The following RBFOX1 variants were observed in gnomAD, a reference collection of about 807,000 sequenced individuals.
RBFOX1 encodes RNA binding fox-1 homolog 1.
In RBFOX1, 8 loss-of-function variants were observed where a neutral mutation model predicts 57.7. The observed-to-expected ratio is 0.14, with a 90% confidence interval of 0.08 to 0.25. The LOEUF (loss-of-function observed/expected upper bound fraction) is 0.25. Ranked by LOEUF, RBFOX1 falls within the 10% of genes least tolerant of loss-of-function variation. The pLI, the probability that RBFOX1 is intolerant of heterozygous loss-of-function variation, is 1.00. For missense variants in RBFOX1, 611 were observed against 548.5 expected (o/e 1.11, Z -1.14); for synonymous variants, 326 against 222.4 (o/e 1.47, Z -4.15).
intron 1 of RBFOX1, among the ~76,000 whole-genome samples, chr16:5,357,575 A>G (rs1020318871): frequency 1.3e-5 from 2 of 152,352 alleles, no homozygotes; most frequent in South Asian, 4.1e-4. Context: ...ATGTAGATTC[A>G]GATTCAGCAG....
chr16:5,356,326 T>C (rs1392757559), intron 1 of RBFOX1, among the ~76,000 whole-genome samples: 1 of 152,236 alleles, frequency 6.6e-6, no homozygotes. Context: ...TGTGAGCCGA[T>C]ACATTTCTGT....
chr16:7,645,545 TAAAG>T (rs1196209477), intron 11 of RBFOX1, among the ~76,000 whole-genome samples: 18 of 152,194 alleles, frequency 1.2e-4, no homozygotes, highest in African/African-American at 4.1e-4. Flanking sequence ...ATATGAATAT[TAAAG>T]AAACAAATGA....
At chr16:7,618,067 C>G (rs930584284) in intron 10 of RBFOX1, among the ~76,000 whole-genome samples, 1 of 151,836 alleles carries the variant, frequency 6.6e-6, no homozygotes, top group African/African-American at 2.4e-5. Context: ...ATTTCTGAGC[C>G]AAGTTGACGT....
intron 5 of RBFOX1, among the ~76,000 whole-genome samples, chr16:7,553,624 A>G (rs1269697930): frequency 6.6e-6 from 1 of 152,204 alleles, no homozygotes; most frequent in Non-Finnish European, 1.5e-5. Flanking sequence ...TGGCCAGTGC[A>G]CTTGAAAGGT....
At chr16:6,909,428 C>G (rs2070971067) in intron 3 of RBFOX1, among the ~76,000 whole-genome samples, 1 of 152,192 alleles carries the variant, frequency 6.6e-6, no homozygotes, top group Admixed American at 6.5e-5. Flanking sequence ...GGTTCTTTTG[C>G]CAGGCAAGGT....
At chr16:5,732,022 G>A (rs2052391872) in intron 3 of RBFOX1, among the ~76,000 whole-genome samples, 1 of 152,170 alleles carries the variant, frequency 6.6e-6, no homozygotes, top group Non-Finnish European at 1.5e-5. Flanking sequence ...TTGCAAGACA[G>A]CCTCATTGCA....
intron 1 of RBFOX1, among the ~76,000 whole-genome samples, chr16:5,398,105 A>C (rs1021475190): frequency 6.6e-6 from 1 of 152,210 alleles, no homozygotes; most frequent in African/African-American, 2.4e-5. Context: ...ACCTAGACGA[A>C]GACCAAGACC....
chr16:7,594,047 A>T (rs532660949), intron 7 of RBFOX1, among the ~76,000 whole-genome samples: 1 of 152,074 alleles, frequency 6.6e-6, no homozygotes, highest in Non-Finnish European at 1.5e-5. Context: ...ACATAGGTAT[A>T]CGTGTGCCAT....
intron 1 of RBFOX1, among the ~76,000 whole-genome samples, chr16:5,316,998 C>G (rs191325088): frequency 6.6e-6 from 1 of 152,020 alleles, no homozygotes; most frequent in South Asian, 2.1e-4. Flanking sequence ...ATTTTCCTGC[C>G]CTTGGATTTC....
chr16:7,081,604 G>A (rs895068409), intron 4 of RBFOX1, among the ~76,000 whole-genome samples: 7 of 152,162 alleles, frequency 4.6e-5, no homozygotes, highest in Non-Finnish European at 2.9e-5. Context: ...TTTGTTCATT[G>A]ACTCAGTACA....
chr16:7,421,456 G>A (rs1476647296), intron 4 of RBFOX1, among the ~76,000 whole-genome samples: 1 of 152,196 alleles, frequency 6.6e-6, no homozygotes, highest in Non-Finnish European at 1.5e-5. Context: ...ATAAACACCA[G>A]CCTGAATGTT....
chr16:6,738,200 A>G (rs1446096712), intron 3 of RBFOX1, among the ~76,000 whole-genome samples: 1 of 152,172 alleles, frequency 6.6e-6, no homozygotes, highest in Non-Finnish European at 1.5e-5. Context: ...GGTTTGCATA[A>G]CACTGTACAT....
At chr16:6,585,503 C>G (rs962993986) in intron 2 of RBFOX1, among the ~76,000 whole-genome samples, 1 of 152,144 alleles carries the variant, frequency 6.6e-6, no homozygotes, top group African/African-American at 2.4e-5. Flanking sequence ...TTTCAAGTGC[C>G]GTTTTTCATC....
chr16:5,876,597 T>G (rs1051477415), intron 4 of RBFOX1, among the ~76,000 whole-genome samples: 2 of 152,208 alleles, frequency 1.3e-5, no homozygotes, highest in African/African-American at 4.8e-5. Context: ...ACCAGCCTCG[T>G]TGACTGCCTG....
intron 4 of RBFOX1, among the ~76,000 whole-genome samples, chr16:5,877,953 C>A (rs1009388457): frequency 1.3e-5 from 2 of 152,156 alleles, no homozygotes; most frequent in African/African-American, 4.8e-5. Context: ...CAATTTGGTC[C>A]AGTGTCTCGG....
chr16:6,297,605 C>G (rs2078277364), intron 1 of RBFOX1, among the ~76,000 whole-genome samples: 1 of 152,122 alleles, frequency 6.6e-6, no homozygotes, highest in South Asian at 2.1e-4. Context: ...AGGCTTCACC[C>G]TCAAGCCTGG....
intron 1 of RBFOX1, among the ~76,000 whole-genome samples, chr16:5,373,137 T>C (rs2065901343): frequency 6.6e-6 from 1 of 152,098 alleles, no homozygotes; most frequent in Non-Finnish European, 1.5e-5. Context: ...TGAAATGGAT[T>C]TTCTCGGCAG....
intron 4 of RBFOX1, among the ~76,000 whole-genome samples, chr16:7,463,856 T>C (rs766263842): frequency 5.3e-5 from 8 of 152,298 alleles, no homozygotes; most frequent in Middle Eastern, 3.4e-3. Flanking sequence ...TACTTCAAAT[T>C]GATTGGATCA....
intron 3 of RBFOX1, among the ~76,000 whole-genome samples, chr16:6,964,496 A>G (rs1305733190): frequency 3.3e-5 from 5 of 152,118 alleles, no homozygotes. Flanking sequence ...AACTGTAACA[A>G]ATTGCACCTC....
Sources: gnomAD v4.1 joint callset for allele counts (sites outside exome capture counted in the v4.1 genomes callset) on GRCh38, gnomAD v4.1.1 for gene constraint, MANE v1.5 for transcripts, NCBI Gene and HGNC (gene_info 2026-07-23, HGNC 2026-07-21) for gene names.